The following KLHL14 variants were observed in gnomAD, a reference collection of about 807,000 sequenced individuals.
KLHL14 encodes the protein kelch-like protein 14.
Under a neutral mutation model 64.3 loss-of-function variants are expected in KLHL14, and 22 were observed. The observed-to-expected ratio is 0.34, with a 90% CI of 0.24 to 0.49. The LOEUF is 0.49. KLHL14 is among the 20% of genes least tolerant of loss of function. The pLI, the probability that KLHL14 is intolerant of heterozygous loss-of-function variation, is 0.99. For missense variants in KLHL14, 661 were observed against 789.0 expected (o/e 0.84, Z 1.94); for synonymous variants, 322 against 333.4 (o/e 0.97, Z 0.37).
chr18:32,699,965 C>A (rs2049956540), intron 3 of KLHL14, among the ~76,000 whole-genome samples: 1 of 150,976 alleles, frequency 6.6e-6, no homozygotes, highest in African/African-American at 2.4e-5. Context: ...CATATTTCAA[C>A]CTTGCAAGCA....
At position 32,674,322 on chromosome 18, in the gene KLHL14, T is replaced by C. The variant is rs1281236000; in HGVS notation, c.*335A>G. The C allele has an allele frequency of 4.4e-6, 1 of 228,860 alleles. No homozygotes were observed. Among genetic ancestry groups the C allele is most frequent in the Admixed American group, 5.0e-5 (1 of 19,944 alleles). The allele number at this position is 228,860 out of a possible 1,614,324, so 14.2% of individuals were successfully genotyped here. On this transcript the variant is annotated 3_prime_UTR_variant, in exon 9 of 9. Transcript: ENST00000359358. ...GGTAGACTACAATGCACAATACTGA[T>C]CTGAGGTCTCTCTGGGGCCAGTCTT...
At chr18:32,765,460 G>A (rs547058083) in intron 2 of KLHL14, among the ~76,000 whole-genome samples, 16 of 152,102 alleles carry the variant, frequency 1.1e-4, no homozygotes, top group South Asian at 2.1e-4. Context: ...CTCCCATATC[G>A]GTTGATGTAA....
chr18:32,735,899 T>C (rs573612159), intron 3 of KLHL14, among the ~76,000 whole-genome samples: 1 of 152,242 alleles, frequency 6.6e-6, no homozygotes, highest in East Asian at 1.9e-4. Flanking sequence ...AATGAGAGGG[T>C]TGGGCATTGA....
chr18:32,749,097 T>C (rs1037429664), intron 2 of KLHL14, among the ~76,000 whole-genome samples: 3 of 152,228 alleles, frequency 2.0e-5, no homozygotes, highest in African/African-American at 7.2e-5. Context: ...AGAGTTGTAC[T>C]TCAATTGTTT....
chr18:32,694,588 T>G (rs1282106110), intron 4 of KLHL14, among the ~76,000 whole-genome samples: 1 of 152,212 alleles, frequency 6.6e-6, no homozygotes, highest in Admixed American at 6.5e-5. Flanking sequence ...TTGAAGATTT[T>G]CTAGAGTGAA....
intron 3 of KLHL14, among the ~76,000 whole-genome samples, chr18:32,717,065 T>C (rs1166089364): frequency 6.6e-6 from 1 of 152,226 alleles, no homozygotes; most frequent in African/African-American, 2.4e-5. Context: ...GTTGAACTAA[T>C]AGCTCCAAAA....
intron 3 of KLHL14, among the ~76,000 whole-genome samples, chr18:32,706,443 C>T (rs529684761): frequency 2.0e-5 from 3 of 152,166 alleles, no homozygotes; most frequent in South Asian, 2.1e-4. Context: ...ACCCCTTTCT[C>T]GGCACTGTTT....
intron 3 of KLHL14, among the ~76,000 whole-genome samples, chr18:32,698,031 A>C (rs1342393991): frequency 6.6e-6 from 1 of 152,184 alleles, no homozygotes; most frequent in Non-Finnish European, 1.5e-5. Context: ...CATTATTCTG[A>C]ATGTAAAACT....
chr18:32,730,774 T>C (rs1372443503), intron 3 of KLHL14, among the ~76,000 whole-genome samples: 1 of 152,220 alleles, frequency 6.6e-6, no homozygotes, highest in African/African-American at 2.4e-5. Flanking sequence ...TGTGGGAACA[T>C]TATGGTCTTC....
chr18:32,741,250 G>A (rs2050195648), intron 3 of KLHL14, among the ~76,000 whole-genome samples: 1 of 152,208 alleles, frequency 6.6e-6, no homozygotes, highest in Admixed American at 6.5e-5. Context: ...TTCCATGAGT[G>A]AGTCCGATTG....
chr18:32,720,991 C>T (rs1031412905), intron 3 of KLHL14, among the ~76,000 whole-genome samples: 19 of 152,188 alleles, frequency 1.2e-4, no homozygotes, highest in African/African-American at 4.1e-4. Flanking sequence ...TCATCCTCTT[C>T]ACGTTGGTTT....
Position 32,683,726 on chromosome 18 carries a change from T to C in KLHL14, c.1239-3127A>G, listed in dbSNP as rs1239501077. On this transcript the variant is annotated intron_variant, in intron 5 of 8. Coordinates refer to ENST00000359358, the MANE Select transcript of KLHL14 (RefSeq NM_020805.3). This position sits in a 1 kb window ranked among gnomAD's most constrained non-coding sequence, Gnocchi z 4.2. The stretch of plus-strand genomic sequence containing the variant: ...TAATGCGTACAAATATACTTTACAC[T>C]CTGCTTATTTTGCAGATCTTTACAA... Among the ~76,000 whole-genome samples the C allele has an allele frequency of 6.6e-6, 1 of 152,224 alleles. No individual in the cohort carries two copies. The highest frequency in any genetic ancestry group is 1.5e-5 in the Non-Finnish European group (1 of 68,038).
In KLHL14 at chr18:32,770,450, T is replaced by A; in HGVS notation, c.142A>T (p.Lys48Ter). 1 of 1,612,334 alleles carries A rather than the reference T, an allele frequency of 6.2e-7. No individual in the cohort carries two copies. ...TGCGAGCAGGAGGCCAGCACGGCCT[T>A]GTGGCAATGGAACTGCTGGCCCTGG... ...TAQGQQFHCH[K>*]AVLASCSQYF... The change falls in exon 2 of 9, where the codon AAG becomes TAG. Residue 48 changes from lysine to a stop codon, truncating the protein, a stop_gained. Transcript: ENST00000359358. LOFTEE classifies it high-confidence loss of function. The surrounding 1 kb of genome is among the most constrained non-coding windows in gnomAD (Gnocchi z 6.7).
At chr18:32,724,578 C>T (rs1193820768) in intron 3 of KLHL14, among the ~76,000 whole-genome samples, 1 of 152,154 alleles carries the variant, frequency 6.6e-6, no homozygotes, top group East Asian at 1.9e-4. Context: ...CTGACCAACA[C>T]AATGGGGATA....
rs1161332806 is a variant in KLHL14 at position 32,769,925 on chromosome 18, C to T, written c.667G>A (p.Ala223Thr). The T allele has an allele frequency of 1.2e-6, 2 of 1,614,126 alleles. No homozygotes were observed. The highest frequency in any genetic ancestry group is 8.5e-7 in the Non-Finnish European group (1 of 1,180,026). ...VLLLNFEEMR[A>T]LLDSLPPPVE... is the part of the protein sequence containing the mutation. ...GGGGGCGGCAGCGAGTCCAGCAGGG[C>T]GCGCATCTCCTCGAAGTTGAGCAGC... Residue 223 changes from alanine (A) to threonine (T), a missense_variant, in exon 2 of 9, where the codon GCC becomes ACC. Coordinates refer to ENST00000359358, the MANE Select transcript of KLHL14 (RefSeq NM_020805.3).
intron 3 of KLHL14, among the ~76,000 whole-genome samples, chr18:32,711,441 ATGGTATTG>A (rs1441730077): frequency 6.6e-6 from 1 of 152,186 alleles, no homozygotes; most frequent in Non-Finnish European, 1.5e-5. Flanking sequence ...AATCTATTCA[ATGGTATTG>A]TGTTTACAGT....
chr18:32,736,623 G>A (rs1283011727), intron 3 of KLHL14, among the ~76,000 whole-genome samples: 1 of 152,004 alleles, frequency 6.6e-6, no homozygotes. Context: ...ATGTGATATG[G>A]TTCTTGGTTA....
chr18:32,770,034 G>GT lies in KLHL14; in HGVS notation c.557dup (p.Tyr186Ter). 6.2e-7 allele frequency: 1 copy of GT among 1,614,220 alleles called. No homozygotes were observed. Among genetic ancestry groups the GT allele is most frequent in the Non-Finnish European group, 8.5e-7 (1 of 1,180,042 alleles). The change falls in exon 2 of 9, where the codon TAC (tyrosine) becomes TAAC (stop). Residue 186 changes from tyrosine to a stop codon, truncating the protein, a stop_gained and frameshift_variant. Transcript: ENST00000359358. LOFTEE classifies it high-confidence loss of function. The surrounding 1 kb of genome is among the most constrained non-coding windows in gnomAD (Gnocchi z 6.7). ...GCGCGGCGATCTTGCACACCTGCTT[G>GT]TAGTTCTGCACCGAGATCTGGTCGT... The part of the protein sequence containing the change: ...FLNDQISVQN[Y>*]KQVCKIAALH...
At chr18:32,696,665 C>CTTTTTTTTTTTTTTT (rs2049938144) in intron 3 of KLHL14, among the ~76,000 whole-genome samples, 1 of 152,256 alleles carries the variant, frequency 6.6e-6, no homozygotes, top group African/African-American at 2.4e-5. Flanking sequence ...CCAACTCTTA[C>CTTTTTTTTTTTTTTT]TTTGTGCTCC....
Sources: gnomAD v4.1 joint callset for allele counts (sites outside exome capture counted in the v4.1 genomes callset) on GRCh38, gnomAD v4.1.1 for gene constraint, Gnocchi (gnomAD v3.1) non-coding constraint, MANE v1.5 for transcripts, NCBI Gene and HGNC (gene_info 2026-07-23, HGNC 2026-07-21) for gene names.